The following GASK1B variants were observed in gnomAD, a reference collection of about 807,000 sequenced individuals.
The protein encoded by GASK1B is golgi associated kinase 1B.
Under a neutral mutation model 42.8 loss-of-function variants are expected in GASK1B, and 34 were observed. The ratio of observed to expected loss-of-function variants is 0.79; its 90% CI spans 0.60 to 1.06. The LOEUF is 1.06. Among genes scored for constraint, GASK1B ranks in the 50% least tolerant of loss-of-function variants. GASK1B has a pLI of 0.00. For synonymous variants in GASK1B, 262 were observed against 259.1 expected (o/e 1.01, Z -0.11); for missense variants, 686 against 661.0 (o/e 1.04, Z -0.42).
intron 2 of GASK1B, chr4:158,159,472 GA>G: frequency 2.3e-6 from 1 of 427,642 alleles, no homozygotes; most frequent in East Asian, 7.0e-5. Flanking sequence ...AGAGATGACA[GA>G]AAAATTGCCT....
intron 2 of GASK1B, chr4:158,169,207 G>T (rs1245967820): frequency 6.6e-6 from 1 of 152,098 alleles, no homozygotes; most frequent in Non-Finnish European, 1.5e-5. Flanking sequence ...GCAAATTGTG[G>T]GCACCCAATA....
At chr4:158,147,843 A>G (rs555954346) in intron 3 of GASK1B, among the ~76,000 whole-genome samples, 2 of 152,300 alleles carry the variant, frequency 1.3e-5, no homozygotes, top group East Asian at 3.9e-4. Context: ...AATCAATAAG[A>G]AAAAGCTACA....
chr4:158,138,455 A>G lies in GASK1B; in HGVS notation c.1126-7443T>C, dbSNP rs1730989897. ...GGAAATGAAATAACCTTACTGTAATAAAATTTTTAAATGCTTTCTTCAGTG... is the reference window on the plus strand; with the variant it reads ...GGAAATGAAATAACCTTACTGTAATGAAATTTTTAAATGCTTTCTTCAGTG... On this transcript the variant is annotated intron_variant, in intron 3 of 4. Transcript: ENST00000585682. 3.3e-5 allele frequency among the ~76,000 whole-genome samples: 5 copies of G among 152,212 alleles called. No individual in the cohort carries two copies. In the South Asian group the frequency reaches 1.0e-3, roughly 32 times the overall value.
chr4:158,164,939 C>A (rs1221323285), intron 2 of GASK1B, among the ~76,000 whole-genome samples: 1 of 152,172 alleles, frequency 6.6e-6, no homozygotes, highest in African/African-American at 2.4e-5. Flanking sequence ...AGTTGGAAAA[C>A]AGTGAGCAAC....
At chr4:158,137,631 G>A (rs1010090485) in intron 3 of GASK1B, among the ~76,000 whole-genome samples, 4 of 152,038 alleles carry the variant, frequency 2.6e-5, no homozygotes, top group Admixed American at 6.5e-5. Context: ...ATGCAACCTC[G>A]GACAAATCCC....
At chr4:158,142,069 C>G (rs541108102) in intron 3 of GASK1B, among the ~76,000 whole-genome samples, 1 of 149,134 alleles carries the variant, frequency 6.7e-6, no homozygotes, top group African/African-American at 2.5e-5. Flanking sequence ...CTCAGCCTCC[C>G]GAGTAGCTGG....
At chr4:158,144,592 A>G (rs1234721766) in intron 3 of GASK1B, among the ~76,000 whole-genome samples, 1 of 152,152 alleles carries the variant, frequency 6.6e-6, no homozygotes, top group African/African-American at 2.4e-5. Context: ...CACTCTAATT[A>G]CCTCCATAAA....
chr4:158,131,670 A>G (rs189262566), intron 3 of GASK1B, among the ~76,000 whole-genome samples: 5 of 152,334 alleles, frequency 3.3e-5, no homozygotes, highest in Admixed American at 6.5e-5. Flanking sequence ...ATTAATTAGA[A>G]AAAGAAGAAC....
chr4:158,151,542 T>C (rs1485925958), intron 3 of GASK1B, among the ~76,000 whole-genome samples: 1 of 152,192 alleles, frequency 6.6e-6, no homozygotes, highest in Non-Finnish European at 1.5e-5. Context: ...GTATGATTAT[T>C]GCAGGATAAT....
At chr4:158,145,461 A>C (rs896027122) in intron 3 of GASK1B, among the ~76,000 whole-genome samples, 3 of 152,174 alleles carry the variant, frequency 2.0e-5, no homozygotes, top group Non-Finnish European at 4.4e-5. Flanking sequence ...AGGGAACAGG[A>C]TATTTCTGTA....
At chr4:158,142,118 G>T (rs1443487199) in intron 3 of GASK1B, among the ~76,000 whole-genome samples, 3 of 148,404 alleles carry the variant, frequency 2.0e-5, no homozygotes, top group Non-Finnish European at 4.5e-5. Flanking sequence ...CTAATTTTTT[G>T]TATTTTTAGT....
intron 3 of GASK1B, among the ~76,000 whole-genome samples, chr4:158,154,033 G>T (rs1008376020): frequency 6.6e-6 from 1 of 151,690 alleles, no homozygotes; most frequent in East Asian, 1.9e-4. Flanking sequence ...TAAATTAAAA[G>T]GCTTCTGCAT....
intron 3 of GASK1B, among the ~76,000 whole-genome samples, chr4:158,133,914 T>C (rs892490337): frequency 5.3e-4 from 80 of 151,970 alleles, no homozygotes; most frequent in African/African-American, 1.2e-3. Context: ...TGTGTGTGTG[T>C]GTGCGCGTGC....
At position 158,135,780 on chromosome 4, in the gene GASK1B, G is replaced by T. The variant is rs549957032; in HGVS notation, c.1126-4768C>A. Among the ~76,000 whole-genome samples the T allele has an allele frequency of 1.2e-4, 18 of 152,146 alleles. No individual in the cohort carries two copies. The South Asian group carries it at 3.5e-3, about 30-fold the overall frequency. On this transcript the variant is annotated intron_variant, in intron 3 of 4. Transcript: ENST00000585682. ...ATAAAGGTTTCGTCAGAAATACAAA[G>T]AACTTCCGTAGGATTTCAGAGAAAA... is the stretch of plus-strand genomic sequence containing the variant.
intron 3 of GASK1B, among the ~76,000 whole-genome samples, chr4:158,146,749 C>T (rs1005325559): frequency 2.0e-5 from 3 of 152,174 alleles, no homozygotes; most frequent in Non-Finnish European, 4.4e-5. Flanking sequence ...TTTCTACCTC[C>T]TGAATGTGCT....
At chr4:158,167,545 G>A (rs1732275671) in intron 2 of GASK1B, among the ~76,000 whole-genome samples, 1 of 152,098 alleles carries the variant, frequency 6.6e-6, no homozygotes, top group Admixed American at 6.6e-5. Flanking sequence ...AGAGTCCAAG[G>A]AACAAGCAAT....
intron 3 of GASK1B, among the ~76,000 whole-genome samples, chr4:158,150,639 A>C (rs1166999547): frequency 6.6e-6 from 1 of 152,174 alleles, no homozygotes; most frequent in Non-Finnish European, 1.5e-5. Context: ...TCTTGATAAT[A>C]ACTTCTCTGA....
intron 3 of GASK1B, among the ~76,000 whole-genome samples, chr4:158,131,331 G>T (rs530849538): frequency 2.0e-5 from 3 of 152,168 alleles, no homozygotes; most frequent in Non-Finnish European, 1.5e-5. Context: ...CTGACTCCAC[G>T]CACAGCAGAA....
At chr4:158,161,660 C>A (rs902839040) in intron 2 of GASK1B, among the ~76,000 whole-genome samples, 7 of 152,318 alleles carry the variant, frequency 4.6e-5, no homozygotes, top group Non-Finnish European at 1.0e-4. Context: ...CAATATTCCA[C>A]TTTAAAAAAC....
Sources: gnomAD v4.1 joint callset for allele counts (sites outside exome capture counted in the v4.1 genomes callset) on GRCh38, gnomAD v4.1.1 for gene constraint, MANE v1.5 for transcripts, NCBI Gene and HGNC (gene_info 2026-07-23, HGNC 2026-07-21) for gene names.